WDR49: variants seen among roughly 807,000 people sequenced by gnomAD.
WDR49 encodes cilia- and flagella-associated protein 337.
In WDR49, 107 loss-of-function variants were observed where a neutral mutation model predicts 119.5. That is an observed-to-expected ratio of 0.90 (90% CI 0.77 to 1.05). The LOEUF is 1.05. WDR49 is among the 50% of genes least tolerant of loss of function. The pLI is 0.00. For synonymous variants in WDR49, 425 were observed against 418.8 expected, an observed-to-expected ratio of 1.01 and a Z score of -0.18; for missense variants, 1,240 against 1,220.5, an observed-to-expected ratio of 1.02 and a Z score of -0.24.
At chr3:167,637,858 G>T (rs1717695557) in intron 2 of WDR49, among the ~76,000 whole-genome samples, 1 of 151,544 alleles carries the variant, frequency 6.6e-6, no homozygotes, top group Non-Finnish European at 1.5e-5. Context: ...AAATTTTGCT[G>T]AATTCTTTTA....
intron 10 of WDR49, among the ~76,000 whole-genome samples, chr3:167,554,444 A>C (rs1458115820): frequency 6.6e-6 from 1 of 152,198 alleles, no homozygotes; most frequent in Non-Finnish European, 1.5e-5. Context: ...AAAAATTTCC[A>C]AAGCCAGAAG....
At chr3:167,619,217 G>A (rs1174663553) in intron 5 of WDR49, among the ~76,000 whole-genome samples, 3 of 152,046 alleles carry the variant, frequency 2.0e-5, no homozygotes, top group Non-Finnish European at 4.4e-5. Flanking sequence ...TTTGGCATAT[G>A]TATCTAAAAA....
chr3:167,498,725 T>C (rs1196344960), intron 18 of WDR49, among the ~76,000 whole-genome samples: 1 of 152,196 alleles, frequency 6.6e-6, no homozygotes, highest in Non-Finnish European at 1.5e-5. Flanking sequence ...TGACTTTTAA[T>C]TTCTCCTCTG....
At chr3:167,585,057 T>G (rs1358639251) in intron 7 of WDR49, among the ~76,000 whole-genome samples, 1 of 152,096 alleles carries the variant, frequency 6.6e-6, no homozygotes, top group Non-Finnish European at 1.5e-5. Context: ...TTTTAAATAT[T>G]TATAATATTG....
At chr3:167,627,409 A>G in intron 2 of WDR49, 117 bp from the exon 3 acceptor site, 1 of 1,016,364 alleles carries the variant, frequency 9.8e-7, no homozygotes, top group Non-Finnish European at 1.3e-6. Flanking sequence ...CATGAAAAGA[A>G]AAATATTTTT....
At chr3:167,491,693 T>C (rs1300680085) in intron 18 of WDR49, among the ~76,000 whole-genome samples, 2 of 152,134 alleles carry the variant, frequency 1.3e-5, no homozygotes, top group Admixed American at 6.6e-5. Flanking sequence ...ACAGATACAA[T>C]GTGAATGGGT....
chr3:167,516,099 C>T (rs114787525), intron 16 of WDR49, among the ~76,000 whole-genome samples: 5 of 152,120 alleles, frequency 3.3e-5, no homozygotes, highest in African/African-American at 1.2e-4. Context: ...CATCAAACTA[C>T]TCTTGAAATT....
At chr3:167,569,632 G>T (rs1015236071) in intron 8 of WDR49, among the ~76,000 whole-genome samples, 1 of 150,778 alleles carries the variant, frequency 6.6e-6, no homozygotes, top group African/African-American at 2.5e-5. Flanking sequence ...AGGAGTTCAA[G>T]GCTGCAGCGA....
intron 17 of WDR49, 108 bp downstream of exon 17, chr3:167,505,199 T>C: frequency 8.1e-7 from 1 of 1,242,138 alleles, no homozygotes; most frequent in Non-Finnish European, 1.0e-6. Context: ...ATTACATTCA[T>C]GTTTATTAAG....
chr3:167,526,908 G>A (rs1010398662), intron 15 of WDR49, among the ~76,000 whole-genome samples: 32 of 4,294 alleles, frequency 7.5e-3, no homozygotes, highest in Non-Finnish European at 9.7e-3. Flanking sequence ...CAGATATTGA[G>A]GCTTCACTTA....
intron 18 of WDR49, among the ~76,000 whole-genome samples, chr3:167,481,275 AT>A (rs1456565240): frequency 6.6e-6 from 1 of 152,208 alleles, no homozygotes; most frequent in African/African-American, 2.4e-5. Context: ...CAAAAATTAA[AT>A]TTTAAAAATT....
intron 7 of WDR49, among the ~76,000 whole-genome samples, chr3:167,577,867 T>G (rs1714329137): frequency 1.3e-5 from 2 of 152,118 alleles, no homozygotes; most frequent in Non-Finnish European, 2.9e-5. Context: ...GAAAAAAATC[T>G]ATTGAAAATG....
chr3:167,648,606 T>C (rs1219043869), intron 2 of WDR49, among the ~76,000 whole-genome samples: 1 of 152,158 alleles, frequency 6.6e-6, no homozygotes, highest in Non-Finnish European at 1.5e-5. Flanking sequence ...AAGAGGACCA[T>C]GGGTGAGATC....
intron 5 of WDR49, among the ~76,000 whole-genome samples, chr3:167,605,436 A>G (rs1424573764): frequency 1.3e-5 from 2 of 152,092 alleles, no homozygotes; most frequent in East Asian, 1.9e-4. Context: ...TCAATCCTCA[A>G]AGATTTATTG....
At chr3:167,485,970 T>C (rs907365481) in intron 18 of WDR49, among the ~76,000 whole-genome samples, 31 of 150,370 alleles carry the variant, frequency 2.1e-4, no homozygotes, top group African/African-American at 7.6e-4. Flanking sequence ...CCAAGGTCAA[T>C]GCAAAAGAAA....
chr3:167,482,465 C>G (rs1750750997), intron 18 of WDR49, among the ~76,000 whole-genome samples: 2 of 151,002 alleles, frequency 1.3e-5, no homozygotes, highest in Non-Finnish European at 2.9e-5. Flanking sequence ...GTCAGGAGAT[C>G]CAGACCATCC....
chr3:167,512,222 C>T (rs1289374192), intron 16 of WDR49, among the ~76,000 whole-genome samples: 1 of 152,154 alleles, frequency 6.6e-6, no homozygotes, highest in Non-Finnish European at 1.5e-5. Flanking sequence ...CAGGTCAGTG[C>T]ACCTCCAGGA....
At chr3:167,578,144 C>A (rs1055727231) in intron 7 of WDR49, among the ~76,000 whole-genome samples, 1 of 152,128 alleles carries the variant, frequency 6.6e-6, no homozygotes, top group South Asian at 2.1e-4. Context: ...TTCTTTCAAC[C>A]ATTTCAATAT....
rs187363130 is a variant in WDR49, at chr3:167,615,932, C to T, written c.958+4497G>A. Among the ~76,000 whole-genome samples the T allele has an allele frequency of 2.6e-5, 4 of 152,274 alleles. No individual in the cohort carries two copies. In the East Asian group the frequency reaches 5.8e-4, roughly 22 times the overall value. ...CAATACCATGTGCAGAAGGATACTT[C>T]GTTAAGTGTTACTGACTGCTGCTTA... On this transcript the variant is annotated intron_variant, in intron 5 of 18. Coordinates refer to ENST00000682715, the MANE Select transcript of WDR49 (RefSeq NM_001366157.1).
Sources: gnomAD v4.1 joint callset for allele counts (sites outside exome capture counted in the v4.1 genomes callset) on GRCh38, gnomAD v4.1.1 for gene constraint, MANE v1.5 for transcripts, NCBI Gene and HGNC (gene_info 2026-07-23, HGNC 2026-07-21) for gene names.